The following DENND5B variants were observed in gnomAD, a reference collection of about 807,000 sequenced individuals.
The protein encoded by DENND5B is DENN domain-containing protein 5B.
In DENND5B, 34 loss-of-function variants were observed where a neutral mutation model predicts 140.6. The ratio of observed to expected loss-of-function variants is 0.24; its 90% CI spans 0.18 to 0.32. The LOEUF is 0.32. Ranked by LOEUF, DENND5B falls within the 10% of genes least tolerant of loss-of-function variation. The probability of loss-of-function intolerance (pLI) is 1.00; values close to 1 mark genes in which losing one functional copy is unlikely to be tolerated. For synonymous variants in DENND5B, 551 were observed against 562.1 expected, an observed-to-expected ratio of 0.98 and a Z score of 0.28; for missense variants, 1,142 against 1,560.2, an observed-to-expected ratio of 0.73 and a Z score of 4.52.
intron 15 of DENND5B, 42 bp downstream of exon 15, chr12:31,402,456 C>G: frequency 6.3e-7 from 1 of 1,579,704 alleles, no homozygotes; most frequent in South Asian, 1.2e-5. Context: ...TGTAAAACTA[C>G]ACGTGATACA....
At chr12:31,490,429 T>G (rs966062455) in intron 2 of DENND5B, among the ~76,000 whole-genome samples, 1 of 151,984 alleles carries the variant, frequency 6.6e-6, no homozygotes, top group Non-Finnish European at 1.5e-5. Flanking sequence ...CTAAGCAACA[T>G]AGCCAAACCC....
intron 1 of DENND5B, among the ~76,000 whole-genome samples, chr12:31,522,122 C>T (rs1223367304): frequency 1.3e-5 from 2 of 152,200 alleles, no homozygotes; most frequent in Non-Finnish European, 2.9e-5. Flanking sequence ...TCAATCCTTG[C>T]CCACTTAGCA....
intron 3 of DENND5B, among the ~76,000 whole-genome samples, chr12:31,474,970 T>G (rs1267712053): frequency 6.6e-6 from 1 of 152,172 alleles, no homozygotes; most frequent in Admixed American, 6.6e-5. Context: ...AGAGGTTAAG[T>G]GCAGTGCCCA....
At chr12:31,546,508 G>A (rs1948866258) in intron 1 of DENND5B, among the ~76,000 whole-genome samples, 2 of 152,084 alleles carry the variant, frequency 1.3e-5, no homozygotes, top group Admixed American at 1.3e-4. Flanking sequence ...CCAACATGGT[G>A]AAACCACATC....
intron 1 of DENND5B, among the ~76,000 whole-genome samples, chr12:31,578,395 T>G (rs1565714334): frequency 6.6e-6 from 1 of 152,212 alleles, no homozygotes; most frequent in Non-Finnish European, 1.5e-5. Context: ...GCAAACAGAC[T>G]GACTACTTCT....
At chr12:31,565,626 C>T (rs1202866695) in intron 1 of DENND5B, among the ~76,000 whole-genome samples, 6 of 152,144 alleles carry the variant, frequency 3.9e-5, no homozygotes, top group Admixed American at 3.3e-4. Flanking sequence ...AAATGCCCTG[C>T]TCTCTATCAG....
intron 1 of DENND5B, among the ~76,000 whole-genome samples, chr12:31,531,690 G>A (rs996593268): frequency 6.6e-6 from 1 of 152,160 alleles, no homozygotes; most frequent in Non-Finnish European, 1.5e-5. Flanking sequence ...AGTCAACCCA[G>A]AATTACATTC....
At chr12:31,431,506 C>T (rs546574403) in intron 8 of DENND5B, among the ~76,000 whole-genome samples, 2 of 152,266 alleles carry the variant, frequency 1.3e-5, no homozygotes, top group African/African-American at 4.8e-5. Flanking sequence ...GGGCTAATCT[C>T]TTGGACTTCA....
At chr12:31,452,528 C>T in intron 4 of DENND5B, 52 bp from the exon 5 acceptor site, 4 of 1,496,900 alleles carry the variant, frequency 2.7e-6, no homozygotes, top group South Asian at 2.8e-5. Context: ...ATTGTATGTG[C>T]TAACATATTC....
At position 31,557,814 on chromosome 12, in the gene DENND5B, CAAAAAAAAAAA is replaced by C. The variant is rs71445804; in HGVS notation, c.127+32881_127+32891del. On this transcript the variant is annotated intron_variant, in intron 1 of 20. Coordinates refer to ENST00000389082, the MANE Select transcript of DENND5B (RefSeq NM_144973.4). ...CAGAGAAACTGGGGAGCTGTGGTGG[CAAAAAAAAAAA>C]AAAAAAAAAAAAGACACAGAAATGC... 3.0e-4 allele frequency among the ~76,000 whole-genome samples: 24 copies of C among 80,972 alleles called. 1 individual carries two copies. In the East Asian group the frequency reaches 0.01, roughly 34 times the overall value. The allele number at this position is 80,972 out of a possible 152,430, so 53.1% of individuals were successfully genotyped here.
rs140054721 is a variant in DENND5B at position 31,457,563 on chromosome 12, A to G, written c.1092+2631T>C. Among the ~76,000 whole-genome samples the G allele has an allele frequency of 6.4e-3, 977 of 152,278 alleles. 10 individuals carry two copies. The highest frequency in any genetic ancestry group is 0.022 in the African/African-American group (929 of 41,564). On this transcript the variant is annotated intron_variant, in intron 4 of 20. Transcript: ENST00000389082. ...ATTTAAGTCATTTTTTTAAATGACT[A>G]TTTTTATATCTACTTCCTCTCCAAA... is the stretch of plus-strand genomic sequence containing the variant.
At chr12:31,411,018 T>C (rs905653127) in intron 13 of DENND5B, among the ~76,000 whole-genome samples, 4 of 151,744 alleles carry the variant, frequency 2.6e-5, no homozygotes, top group Admixed American at 6.6e-5. Flanking sequence ...CTTTGTACTT[T>C]GGCCACTATG....
chr12:31,509,643 G>C (rs1947333931), intron 1 of DENND5B, among the ~76,000 whole-genome samples: 1 of 151,414 alleles, frequency 6.6e-6, no homozygotes, highest in African/African-American at 2.5e-5. Context: ...AAAAAATAGT[G>C]AACAAAATAT....
At chr12:31,517,923 C>A (rs575910369) in intron 1 of DENND5B, among the ~76,000 whole-genome samples, 1 of 152,226 alleles carries the variant, frequency 6.6e-6, no homozygotes, top group Admixed American at 6.5e-5. Flanking sequence ...TAACTTGTTA[C>A]CTGCAGCTAT....
At chr12:31,589,923 GCA>G (rs1950545873) in intron 1 of DENND5B, 1 of 152,282 alleles carries the variant, frequency 6.6e-6, no homozygotes, top group African/African-American at 2.4e-5. Flanking sequence ...GCACAGCCCC[GCA>G]CTGCGCCATC....
chr12:31,454,739 G>A (rs926663692), intron 4 of DENND5B, among the ~76,000 whole-genome samples: 3 of 151,630 alleles, frequency 2.0e-5, no homozygotes, highest in Admixed American at 6.6e-5. Context: ...CACTGCGCCT[G>A]GCCGGCCTAC....
In DENND5B at chr12:31,385,680, GTTT is replaced by G. The variant is rs1258282190; in HGVS notation, c.*1920_*1922del. 1 of 152,106 alleles carries G rather than the reference GTTT, an allele frequency of 6.6e-6. No homozygotes were observed. Among genetic ancestry groups the G allele is most frequent in the African/African-American group, 2.4e-5 (1 of 41,396 alleles). 9.4% of individuals were successfully genotyped at this position (152,106 alleles called of 1,614,324 possible). ...CCATTTTCTTAAACCATTTCCATGG[GTTT>G]TTATTTTTATCTATTTATTTTTTGA... On this transcript the variant is annotated 3_prime_UTR_variant, in exon 21 of 21. Coordinates refer to ENST00000389082, the MANE Select transcript of DENND5B (RefSeq NM_144973.4).
intron 14 of DENND5B, among the ~76,000 whole-genome samples, chr12:31,408,743 C>T (rs1259484545): frequency 1.3e-5 from 2 of 150,794 alleles, no homozygotes; most frequent in Non-Finnish European, 2.9e-5. Context: ...TATGTGTTTT[C>T]GTTAAGATAT....
intron 1 of DENND5B, among the ~76,000 whole-genome samples, chr12:31,533,172 C>T (rs1020255276): frequency 5.3e-5 from 8 of 151,924 alleles, no homozygotes; most frequent in Non-Finnish European, 1.2e-4. Flanking sequence ...TTAAATTTGC[C>T]CTCCTATTAC....
Sources: gnomAD v4.1 joint callset for allele counts (sites outside exome capture counted in the v4.1 genomes callset) on GRCh38, gnomAD v4.1.1 for gene constraint, MANE v1.5 for transcripts, NCBI Gene and HGNC (gene_info 2026-07-23, HGNC 2026-07-21) for gene names.